ESPNL: variants seen among roughly 807,000 people sequenced by gnomAD.
ESPNL encodes espin like.
In ESPNL, 49 loss-of-function variants were observed where a neutral mutation model predicts 46.8. The ratio of observed to expected loss-of-function variants is 1.05; its 90% CI spans 0.83 to 1.33. The LOEUF (loss-of-function observed/expected upper bound fraction) is 1.33, where lower values mean the gene tolerates loss of function less well. ESPNL is among the 40% of genes most tolerant of loss of function. The pLI, the probability that ESPNL is intolerant of heterozygous loss-of-function variation, is 0.00. For missense variants in ESPNL, 1,540 were observed against 1,436.6 expected, an observed-to-expected ratio of 1.07 and a Z score of -1.16; for synonymous variants, 664 against 662.1, an observed-to-expected ratio of 1.00 and a Z score of -0.04.
At chr2:238,101,813 A>C (rs1691484400) in intron 1 of ESPNL, 128 bp from the exon 2 acceptor site, 1 of 623,470 alleles carries the variant, frequency 1.6e-6, no homozygotes, top group Admixed American at 2.9e-5. Context: ...GGAGGGAAGG[A>C]GGAAGGAGCT....
chr2:238,128,442 G>A (rs1161693544), intron 7 of ESPNL, among the ~76,000 whole-genome samples: 1 of 152,192 alleles, frequency 6.6e-6, no homozygotes, highest in African/African-American at 2.4e-5. Flanking sequence ...AGGGGACGGG[G>A]AGGGACCTCT....
rs1256505321 is a variant in ESPNL at position 238,116,911 on chromosome 2, G to T, written c.864G>T (p.Gln288His). Residue 288 changes from glutamine to histidine, a missense_variant, in exon 5 of 9, where the codon CAG becomes CAT. Physicochemically the swap from Gln to His is conservative, Grantham distance 24 (BLOSUM62 0). Coordinates refer to ENST00000343063, the MANE Select transcript of ESPNL (RefSeq NM_194312.4). Reference protein sequence around the residue: ...AAENGQMECCQTLVSHHVDPS... With the variant: ...AAENGQMECCHTLVSHHVDPS... ...TGCCCTCCTCACTGCAGTGCTGCCA[G>T]ACCCTAGTCTCCCACCACGTGGACC... 2 of 1,612,434 alleles carry T rather than the reference G, an allele frequency of 1.2e-6. No homozygotes were observed. Among genetic ancestry groups the T allele is most frequent in the Non-Finnish European group, 1.7e-6 (2 of 1,179,796 alleles).
chr2:238,109,552 A>G (rs1465606207), intron 4 of ESPNL, among the ~76,000 whole-genome samples: 1 of 152,072 alleles, frequency 6.6e-6, no homozygotes. Context: ...TGGGAGTCTC[A>G]CTGTGCTGAG....
chr2:238,117,951 T>G (rs1574735990), intron 5 of ESPNL, among the ~76,000 whole-genome samples: 3 of 142,734 alleles, frequency 2.1e-5, no homozygotes, highest in Non-Finnish European at 3.1e-5. Context: ...AGGAGGAGGG[T>G]GGATGGAGGG....
chr2:238,101,803 G>A (rs76766612), intron 1 of ESPNL, 138 bp from the exon 2 acceptor site: 59 of 608,936 alleles, frequency 9.7e-5, no homozygotes, highest in African/African-American at 7.5e-4. Flanking sequence ...AGGCAGAAAC[G>A]GAGGGAAGGA....
intron 6 of ESPNL, 200 bp from the exon 7 acceptor site, chr2:238,127,422 C>T (rs932387391): frequency 7.6e-7 from 1 of 1,318,030 alleles, no homozygotes; most frequent in South Asian, 2.0e-5. Flanking sequence ...ATCGACCAGG[C>T]GGGGGCGGGC....
intron 5 of ESPNL, among the ~76,000 whole-genome samples, chr2:238,122,937 G>A (rs1252919082): frequency 1.3e-5 from 2 of 152,234 alleles, no homozygotes; most frequent in Non-Finnish European, 2.9e-5. Flanking sequence ...AGCGACGCCA[G>A]CCTCTCGCTA....
intron 4 of ESPNL, among the ~76,000 whole-genome samples, chr2:238,111,476 C>T (rs1691717772): frequency 6.6e-6 from 1 of 152,172 alleles, no homozygotes; most frequent in African/African-American, 2.4e-5. Context: ...CCAGCAACAT[C>T]CTACTTTCTG....
chr2:238,110,946 A>ATT (rs1288363059), intron 4 of ESPNL, among the ~76,000 whole-genome samples: 1 of 101,602 alleles, frequency 9.8e-6, no homozygotes, highest in Non-Finnish European at 2.2e-5. Flanking sequence ...CACATTAGTT[A>ATT]TTCTTTTTTT....
intron 4 of ESPNL, among the ~76,000 whole-genome samples, chr2:238,111,547 C>T (rs941605155): frequency 1.3e-5 from 2 of 152,164 alleles, no homozygotes; most frequent in Non-Finnish European, 2.9e-5. Context: ...AGTATTTATC[C>T]GTTTGTCTCT....
rs1202329686 is a variant in ESPNL at position 238,130,871 on chromosome 2, G to C, written c.2157G>C (p.Glu719Asp). 6.4e-7 allele frequency: 1 copy of C among 1,557,086 alleles called. No individual in the cohort carries two copies. Among genetic ancestry groups the C allele is most frequent in the Admixed American group, 1.9e-5 (1 of 52,396 alleles). Residue 719 changes from glutamate (E) to aspartate (D), a missense_variant, in exon 9 of 9, where the codon GAG becomes GAC. Glu to Asp is a conservative substitution (Grantham distance 45, BLOSUM62 2). Transcript: ENST00000343063. ...CCAGCGACTCTGGCATCAGCTGCGA[G>C]GAGGTGCCATCAGAGGCGGGTGCCG... ...EEASDSGISCEEVPSEAGAAA... is the reference protein window; with the variant it reads ...EEASDSGISCDEVPSEAGAAA...
At chr2:238,124,882 T>G (rs4991022) in intron 5 of ESPNL, among the ~76,000 whole-genome samples, 1 of 151,900 alleles carries the variant, frequency 6.6e-6, no homozygotes, top group African/African-American at 2.4e-5. Flanking sequence ...TGTGCATATG[T>G]GTGCACATGT....
intron 5 of ESPNL, among the ~76,000 whole-genome samples, chr2:238,119,493 G>A (rs1464138122): frequency 7.0e-6 from 1 of 143,682 alleles, no homozygotes; most frequent in African/African-American, 2.6e-5. Context: ...GTGGATGGAG[G>A]AGGTGGATGG....
In ESPNL at chr2:238,131,309, G is replaced by C; in HGVS notation, c.2595G>C (p.Leu865=). The C allele has an allele frequency of 1.3e-6, 2 of 1,584,070 alleles. No individual in the cohort carries two copies. The highest frequency in any genetic ancestry group is 8.6e-7 in the Non-Finnish European group (1 of 1,165,992). ...LDLFMLGYFQ[L]LECDLPAEER... is the part of the protein sequence containing the mutation. ...TCTTCATGCTGGGTTACTTCCAGCTGCTGGAGTGCGACCTGCCGGCGGAGG... is the reference window on the plus strand; with the variant it reads ...TCTTCATGCTGGGTTACTTCCAGCTCCTGGAGTGCGACCTGCCGGCGGAGG... The change falls in exon 9 of 9, where the codon CTG becomes CTC. Residue 865 remains leucine, a synonymous_variant. Transcript: ENST00000343063.
In ESPNL at chr2:238,114,753, T is replaced by A. The variant is rs1691779765; in HGVS notation, c.856-2150T>A. ...TTTAAATGGGGAAAAGGAAAAAGAATCACATCTCATGACACATGAAACTCA... is the reference window on the plus strand; with the variant it reads ...TTTAAATGGGGAAAAGGAAAAAGAAACACATCTCATGACACATGAAACTCA... On this transcript the variant is annotated intron_variant, in intron 4 of 8. Coordinates refer to ENST00000343063, the MANE Select transcript of ESPNL (RefSeq NM_194312.4). The surrounding 1 kb of genome is among the most constrained non-coding windows in gnomAD (Gnocchi z 5.0). Among the ~76,000 whole-genome samples the A allele has an allele frequency of 6.6e-6, 1 of 152,204 alleles. No homozygotes were observed. Among genetic ancestry groups the A allele is most frequent in the Non-Finnish European group, 1.5e-5 (1 of 68,038 alleles).
chr2:238,100,585 G>A lies in ESPNL; in HGVS notation c.166G>A (p.Val56Met), dbSNP rs573977720. The change falls in exon 1 of 9, where the codon GTG (valine) becomes ATG (methionine). Residue 56 changes from valine (V) to methionine (M), a missense_variant. Physicochemically the swap from Val to Met is conservative, Grantham distance 21. Transcript: ENST00000343063. ...CCACCTGGACTGCGTCAAGTTCTTG[G>A]TGCAGCGGGCCCAGCTGCCCGGCAA... Reference protein sequence around the residue: ...AGHLDCVKFLVQRAQLPGNQR... With the variant: ...AGHLDCVKFLMQRAQLPGNQR... 4 of 1,558,610 alleles carry A rather than the reference G, an allele frequency of 2.6e-6. No individual in the cohort carries two copies. The African/African-American group carries it at 4.1e-5, about 16-fold the overall frequency.
intron 5 of ESPNL, among the ~76,000 whole-genome samples, chr2:238,124,172 C>T (rs1302466838): frequency 6.6e-6 from 1 of 152,222 alleles, no homozygotes; most frequent in Non-Finnish European, 1.5e-5. Context: ...TGTCCAGAAT[C>T]GTGGCCGATT....
chr2:238,121,697 C>G (rs35027418), intron 5 of ESPNL, among the ~76,000 whole-genome samples: 2 of 152,206 alleles, frequency 1.3e-5, no homozygotes, highest in African/African-American at 4.8e-5. Flanking sequence ...CGTACCCGGC[C>G]CAGAGCCTTG....
rs751409373 is a variant in ESPNL, at chr2:238,131,706, G to C, written c.2992G>C (p.Ala998Pro). The C allele has an allele frequency of 5.1e-5, 81 of 1,589,110 alleles. No homozygotes were observed. Among genetic ancestry groups the C allele is most frequent in the Non-Finnish European group, 6.5e-5 (76 of 1,161,260 alleles). The change falls in exon 9 of 9, where the codon GCT becomes CCT. Residue 998 changes from alanine to proline, a missense_variant. Ala to Pro is a conservative substitution (Grantham distance 27). Coordinates refer to ENST00000343063, the MANE Select transcript of ESPNL (RefSeq NM_194312.4). ...CTTTGCCTTCTGGAAGGAGAAGGAA[G>C]CTGAGATGTTCAACTTTGGAGAATG... ...RSFAFWKEKE[A>P]EMFNFGE
Sources: allele counts gnomAD v4.1 joint callset (sites outside exome capture counted in the v4.1 genomes callset), GRCh38; gene constraint gnomAD v4.1.1; non-coding constraint Gnocchi (gnomAD v3.1); transcripts MANE v1.5; gene names NCBI Gene and HGNC (gene_info 2026-07-23, HGNC 2026-07-21).